SUCO: variants seen among roughly 807,000 people sequenced by gnomAD.
SUCO encodes SUN domain containing ossification factor.
Under a neutral mutation model 148.1 loss-of-function variants are expected in SUCO, and 57 were observed. That is an observed-to-expected ratio of 0.38 (90% CI 0.31 to 0.48). The LOEUF is 0.48. SUCO is among the 20% of genes least tolerant of loss of function. The pLI is 0.96. For synonymous variants in SUCO, 470 were observed against 502.7 expected (o/e 0.93, Z 0.87); for missense variants, 1,331 against 1,468.2 (o/e 0.91, Z 1.53).
intron 15 of SUCO, among the ~76,000 whole-genome samples, chr1:172,584,162 T>G (rs1656075871): frequency 6.6e-6 from 1 of 152,216 alleles, no homozygotes; most frequent in African/African-American, 2.4e-5. Flanking sequence ...AATATCAATT[T>G]AGAATTTAAC....
At chr1:172,587,762 G>A (rs1002597974) in intron 17 of SUCO, among the ~76,000 whole-genome samples, 2 of 152,024 alleles carry the variant, frequency 1.3e-5, no homozygotes, top group African/African-American at 2.4e-5. Flanking sequence ...GGCATGCTTA[G>A]TAATTTTTCA....
chr1:172,539,324 G>A (rs1319403802), intron 1 of SUCO, among the ~76,000 whole-genome samples: 2 of 152,216 alleles, frequency 1.3e-5, no homozygotes, highest in Non-Finnish European at 2.9e-5. Flanking sequence ...TTATCTACAT[G>A]TTTTAGATTA....
chr1:172,578,448 A>G (rs1655624201), intron 14 of SUCO, 59 bp downstream of exon 14: 1 of 1,532,176 alleles, frequency 6.5e-7, no homozygotes, highest in South Asian at 1.2e-5. Context: ...TAAAAATCGA[A>G]TAGTAATGGG....
intron 13 of SUCO, 88 bp downstream of exon 13, chr1:172,577,907 C>T: frequency 1.0e-6 from 1 of 991,538 alleles, no homozygotes; most frequent in African/African-American, 1.6e-5. Context: ...AAATAATTTT[C>T]TCTTACGTGA....
intron 19 of SUCO, among the ~76,000 whole-genome samples, chr1:172,597,637 A>T (rs1657219532): frequency 6.6e-6 from 1 of 152,036 alleles, no homozygotes; most frequent in Non-Finnish European, 1.5e-5. Context: ...AGAGCCATAT[A>T]GTGATACAAT....
At chr1:172,567,480 A>G (rs1244008656) in intron 6 of SUCO, among the ~76,000 whole-genome samples, 3 of 152,158 alleles carry the variant, frequency 2.0e-5, no homozygotes, top group Admixed American at 1.3e-4. Flanking sequence ...AGCTTTTCAA[A>G]TAAGTATAAA....
At chr1:172,588,737 A>C (rs1656406695) in intron 17 of SUCO, 23 bp from the exon 18 acceptor site, 2 of 1,358,448 alleles carry the variant, frequency 1.5e-6, no homozygotes, top group Admixed American at 5.8e-5. Flanking sequence ...AGTGATTTAT[A>C]ATTATGATAT....
rs760580663 is a variant in SUCO, at chr1:172,577,539, A to T, written c.1264A>T (p.Met422Leu). The change falls in exon 12 of 24, where the codon ATG becomes TTG. Residue 422 changes from methionine (M) to leucine (L), a missense_variant and splice_region_variant. By Grantham distance (15) the Met-to-Leu change is conservative. This residue lies in a region of SUCO where 992 missense variants were observed against 1,093.5 expected (regional missense o/e 0.91). Coordinates refer to ENST00000263688, the MANE Select transcript of SUCO (RefSeq NM_014283.5). ...TTTCTTTTCCTTTCTCTTGCTTCAG[A>T]TGTTCATCAAGTACATAAAGGTTAG... The part of the protein sequence containing the change: ...DEQMYAKYVK[M>L]FIKYIKVELL... 1 of 1,610,626 alleles carries T rather than the reference A, an allele frequency of 6.2e-7. No individual in the cohort carries two copies. Among genetic ancestry groups the T allele is most frequent in the South Asian group, 1.1e-5 (1 of 90,886 alleles).
intron 22 of SUCO, 51 bp downstream of exon 22, chr1:172,602,838 C>T: frequency 1.4e-6 from 2 of 1,453,632 alleles, no homozygotes; most frequent in Non-Finnish European, 1.9e-6. Context: ...AAACTAGCTT[C>T]TGGCATAAAT....
At chr1:172,609,599 G>A (rs970830132) in intron 23 of SUCO, 4 of 985,032 alleles carry the variant, frequency 4.1e-6, no homozygotes, top group Middle Eastern at 5.2e-4. Context: ...TAGCAGGTAA[G>A]CAATTTAAAG....
chr1:172,553,295 G>A lies in SUCO; in HGVS notation c.213G>A (p.Leu71=). ...AGGGACCTATCAATGCCGAATCATTGGGAAAATCAGGTTCAAATTTACCTA... is the reference window on the plus strand; with the variant it reads ...AGGGACCTATCAATGCCGAATCATTAGGAAAATCAGGTTCAAATTTACCTA... The part of the protein sequence containing the change: ...EREGPINAES[L]GKSGSNLPIS... Residue 71 remains leucine (L), a synonymous_variant, in exon 3 of 24, where the codon TTG becomes TTA. Coordinates refer to ENST00000263688, the MANE Select transcript of SUCO (RefSeq NM_014283.5). The A allele has an allele frequency of 1.3e-6, 2 of 1,596,238 alleles. No individual in the cohort carries two copies. Among genetic ancestry groups the A allele is most frequent in the Non-Finnish European group, 1.7e-6 (2 of 1,168,858 alleles).
chr1:172,537,048 G>A (rs1030345998), intron 1 of SUCO, among the ~76,000 whole-genome samples: 3 of 152,026 alleles, frequency 2.0e-5, no homozygotes, highest in African/African-American at 2.4e-5. Flanking sequence ...TGAGGGGGGC[G>A]CATTATTCAG....
At chr1:172,584,685 A>G (rs1429965335) in intron 15 of SUCO, among the ~76,000 whole-genome samples, 1 of 152,160 alleles carries the variant, frequency 6.6e-6, no homozygotes, top group East Asian at 1.9e-4. Flanking sequence ...AGGCAGGGGA[A>G]TTGCTTGAAC....
intron 6 of SUCO, among the ~76,000 whole-genome samples, chr1:172,567,606 C>G (rs1398408468): frequency 6.6e-6 from 1 of 152,146 alleles, no homozygotes; most frequent in Non-Finnish European, 1.5e-5. Context: ...GTGACTACTG[C>G]AGTTCATCCA....
At chr1:172,533,127 G>GGCC (rs1326381818), upstream of SUCO, 1 of 1,439,966 alleles carries the variant, frequency 6.9e-7, no homozygotes, top group South Asian at 1.5e-5. Context: ...CACGGAGCAA[G>GGCC]GCCCCCGGCG....
At chr1:172,562,991 T>C (rs530429222) in intron 6 of SUCO, among the ~76,000 whole-genome samples, 2 of 152,332 alleles carry the variant, frequency 1.3e-5, no homozygotes, top group South Asian at 4.1e-4. Flanking sequence ...TGCACTGCCA[T>C]GTAAAGAAGG....
At chr1:172,608,026 ATG>A (rs1288106049) in intron 22 of SUCO, 12 of 944,946 alleles carry the variant, frequency 1.3e-5, no homozygotes, top group African/African-American at 1.2e-4. Flanking sequence ...CCTTTTAAAA[ATG>A]TGTGTCTATT....
intron 3 of SUCO, chr1:172,555,389 CCAGGT>C (rs889953262): frequency 2.3e-5 from 23 of 985,034 alleles, no homozygotes; most frequent in Non-Finnish European, 2.4e-5. Flanking sequence ...ACTGAAAGGC[CCAGGT>C]CATTCAAGAC....
intron 6 of SUCO, among the ~76,000 whole-genome samples, chr1:172,562,916 A>G (rs971202089): frequency 2.0e-5 from 3 of 152,086 alleles, no homozygotes; most frequent in Non-Finnish European, 4.4e-5. Context: ...TGTTCTTGTG[A>G]TAGTGACTTC....
Sources: allele counts gnomAD v4.1 joint callset (sites outside exome capture counted in the v4.1 genomes callset), GRCh38; gene constraint gnomAD v4.1.1; regional missense constraint gnomAD v4.1.1; transcripts MANE v1.5; gene names NCBI Gene and HGNC (gene_info 2026-07-23, HGNC 2026-07-21).